Variants in ABCA12 observed in about 807,000 individuals in gnomAD.
The protein encoded by ABCA12 is glucosylceramide transporter ABCA12.
Under a neutral mutation model 293.5 loss-of-function variants are expected in ABCA12, and 156 were observed. That is an observed-to-expected ratio of 0.53 (90% CI 0.47 to 0.61). The LOEUF is 0.61. Ranked by LOEUF, ABCA12 falls within the 20% of genes least tolerant of loss-of-function variation. The pLI is 0.00. For missense variants in ABCA12, 2,797 were observed against 3,090.2 expected, an observed-to-expected ratio of 0.91 and a Z score of 2.25; for synonymous variants, 1,063 against 1,108.0, an observed-to-expected ratio of 0.96 and a Z score of 0.81.
chr2:215,120,037 G>A (rs1041082506), intron 1 of ABCA12, among the ~76,000 whole-genome samples: 10 of 152,094 alleles, frequency 6.6e-5, no homozygotes, highest in Admixed American at 2.6e-4. Flanking sequence ...TGGTGAATTG[G>A]ATAAAGAAAA....
intron 2 of ABCA12, among the ~76,000 whole-genome samples, chr2:215,104,054 A>G (rs1397411342): frequency 6.6e-6 from 1 of 152,210 alleles, no homozygotes; most frequent in Admixed American, 6.5e-5. Flanking sequence ...AGACTTGGAC[A>G]TTAGCACTCC....
At chr2:215,087,608 C>T (rs148893244) in intron 2 of ABCA12, among the ~76,000 whole-genome samples, 17 of 151,930 alleles carry the variant, frequency 1.1e-4, no homozygotes, top group African/African-American at 2.9e-4. Flanking sequence ...ATTCTTCTTA[C>T]GCTAATAGAG....
intron 1 of ABCA12, among the ~76,000 whole-genome samples, chr2:215,135,463 C>T (rs1201791193): frequency 5.3e-5 from 8 of 152,176 alleles, no homozygotes; most frequent in Non-Finnish European, 7.3e-5. Flanking sequence ...GCAAAGTTGT[C>T]ATGGTGGTGA....
chr2:215,019,763 A>G lies in ABCA12; in HGVS notation c.1321T>C (p.Cys441Arg). 4 of 1,613,702 alleles carry G rather than the reference A, an allele frequency of 2.5e-6. No individual in the cohort carries two copies. Among genetic ancestry groups the G allele is most frequent in the African/African-American group, 1.3e-5 (1 of 75,064 alleles). ...ATCAAACTGAAAGTTTCAGATTCAC[A>G]AAGAAGTTCGGTCAAGTTTCGAAGT... ...SQLRNLTELL[C>R]ESETFSLIEK... Residue 441 changes from cysteine to arginine, a missense_variant, in exon 12 of 53, where the codon TGT becomes CGT. Cys to Arg is a radical substitution (Grantham distance 180). This residue lies in a region of ABCA12 where 656 missense variants were observed against 638.2 expected (regional missense o/e 1.03). Transcript: ENST00000272895.
chr2:214,948,834 G>A lies in ABCA12; in HGVS notation c.6963-97C>T. 5 of 1,474,834 alleles carry A rather than the reference G, an allele frequency of 3.4e-6. No homozygotes were observed. The South Asian group carries it at 5.8e-5, about 17-fold the overall frequency. 91.4% of individuals were successfully genotyped at this position (1,474,834 alleles called of 1,614,324 possible). A position where few individuals can be genotyped will look rare whatever the true frequency, so the allele number is the denominator to read the frequency against. On this transcript the variant is annotated intron_variant, in intron 46 of 52. Transcript: ENST00000272895. ...AGGTAGCTCTATTTTGGTCATGGTG[G>A]TCAGTGACTTTGATAAAAAGGGATA...
At chr2:215,103,263 CTTTCTT>C (rs1291562228) in intron 2 of ABCA12, among the ~76,000 whole-genome samples, 4 of 81,378 alleles carry the variant, frequency 4.9e-5, no homozygotes, top group African/African-American at 1.5e-4. Context: ...CTTAAAATTT[CTTTCTT>C]TTTTTTTTTT....
Position 214,968,840 on chromosome 2 carries a change from T to C in ABCA12, c.5691-33A>G, listed in dbSNP as rs1699324977. 3 of 1,590,652 alleles carry C rather than the reference T, an allele frequency of 1.9e-6. No homozygotes were observed. In the Admixed American group the frequency reaches 5.0e-5, roughly 27 times the overall value. ...GAGTAATAAAAATATATCTTTGGTTTAGTGGAGAAAATCTTCTTAAATAGA... is the reference window on the plus strand; with the variant it reads ...GAGTAATAAAAATATATCTTTGGTTCAGTGGAGAAAATCTTCTTAAATAGA... On this transcript the variant is annotated intron_variant, in intron 37 of 52. Transcript: ENST00000272895.
At chr2:215,064,427 C>T (rs535166874) in intron 2 of ABCA12, among the ~76,000 whole-genome samples, 3 of 151,928 alleles carry the variant, frequency 2.0e-5, no homozygotes, top group Non-Finnish European at 4.4e-5. Context: ...TCCGGATTTG[C>T]TAATACGTAT....
chr2:214,934,099 C>T lies in ABCA12; in HGVS notation c.7659G>A (p.Val2553=), dbSNP rs754571047. 5 of 1,613,618 alleles carry T rather than the reference C, an allele frequency of 3.1e-6. No homozygotes were observed. The South Asian group carries it at 5.5e-5, about 18-fold the overall frequency. ...KTALNITNFL[V]SQTTLEEVFI... ...TTACCTCTTCCAGAGTGGTCTGACTCACTAAGAAATTTGTAATATTTAAAG... is the reference window on the plus strand; with the variant it reads ...TTACCTCTTCCAGAGTGGTCTGACTTACTAAGAAATTTGTAATATTTAAAG... Residue 2553 remains valine (V), a synonymous_variant, in exon 52 of 53, where the codon GTG becomes GTA. Coordinates refer to ENST00000272895, the MANE Select transcript of ABCA12 (RefSeq NM_173076.3).
intron 2 of ABCA12, among the ~76,000 whole-genome samples, chr2:215,105,578 G>GACACACACAC (rs747604210): frequency 7.0e-6 from 1 of 142,728 alleles, no homozygotes; most frequent in African/African-American, 2.7e-5. Flanking sequence ...AGGGCTTCAA[G>GACACACACAC]ACACACACAC....
intron 2 of ABCA12, among the ~76,000 whole-genome samples, chr2:215,074,241 A>G (rs1171976174): frequency 2.6e-5 from 4 of 152,150 alleles, no homozygotes; most frequent in Non-Finnish European, 5.9e-5. Context: ...AACGTCTTAC[A>G]TAAGAAAATA....
At chr2:214,992,943 A>G (rs1287687613) in intron 23 of ABCA12, among the ~76,000 whole-genome samples, 2 of 152,198 alleles carry the variant, frequency 1.3e-5, no homozygotes, top group African/African-American at 4.8e-5. Flanking sequence ...TTCAAAATCA[A>G]GGATAGTCAA....
rs771673629 is a variant in ABCA12 at position 214,989,638 on chromosome 2, C to T, written c.3625-17G>A. On this transcript the variant is annotated splice_polypyrimidine_tract_variant and intron_variant, in intron 24 of 52. Transcript: ENST00000272895. ...CAGCAGGCTCTGTGAAGAAAGGAAA[C>T]GGCAATGATAGTTCTTGTAGATTTC... The T allele has an allele frequency of 1.2e-5, 20 of 1,612,996 alleles. No homozygotes were observed. Among genetic ancestry groups the T allele is most frequent in the African/African-American group, 4.0e-5 (3 of 74,880 alleles).
intron 47 of ABCA12, chr2:214,947,821 G>T: frequency 2.2e-6 from 1 of 448,240 alleles, no homozygotes. Flanking sequence ...GTTTACAATT[G>T]CAGATTGAAC....
chr2:214,963,770 A>T (rs1699180099), intron 39 of ABCA12, among the ~76,000 whole-genome samples: 1 of 151,624 alleles, frequency 6.6e-6, no homozygotes, highest in Non-Finnish European at 1.5e-5. Flanking sequence ...AAATACAAAA[A>T]ATTAGCCAGG....
intron 45 of ABCA12, among the ~76,000 whole-genome samples, chr2:214,950,384 CTGTG>C (rs61619476): frequency 0.033 from 3,865 of 116,586 alleles, 158 homozygotes; most frequent in African/African-American, 0.097. Context: ...ATATATATAT[CTGTG>C]TGTGTGTGTG....
In ABCA12 at chr2:215,019,749, A is replaced by C. The variant is rs1339130907; in HGVS notation, c.1335T>G (p.Thr445=). The change falls in exon 12 of 53, where the codon ACT becomes ACG. Residue 445 remains threonine (T), a synonymous_variant. Coordinates refer to ENST00000272895, the MANE Select transcript of ABCA12 (RefSeq NM_173076.3). ...GGCATGACTTCTCTATCAAACTGAAAGTTTCAGATTCACAAAGAAGTTCGG... is the reference window on the plus strand; with the variant it reads ...GGCATGACTTCTCTATCAAACTGAACGTTTCAGATTCACAAAGAAGTTCGG... The part of the protein sequence containing the change: ...NLTELLCESE[T]FSLIEKSCQL... 1 of 1,614,026 alleles carries C rather than the reference A, an allele frequency of 6.2e-7. No homozygotes were observed. Among genetic ancestry groups the C allele is most frequent in the South Asian group, 1.1e-5 (1 of 91,090 alleles).
intron 51 of ABCA12, 64 bp downstream of exon 51, chr2:214,937,446 C>A: frequency 7.5e-7 from 1 of 1,334,458 alleles, no homozygotes; most frequent in Non-Finnish European, 1.1e-6. Context: ...TGATTGCCCG[C>A]CTCGGACTCC....
intron 39 of ABCA12, chr2:214,963,055 G>A (rs1337801821): frequency 6.6e-6 from 1 of 151,794 alleles, no homozygotes; most frequent in African/African-American, 2.4e-5. Flanking sequence ...CAGAAGATAA[G>A]AAATAACCAA....
Sources: gnomAD v4.1 joint callset for allele counts (sites outside exome capture counted in the v4.1 genomes callset) on GRCh38, gnomAD v4.1.1 for gene constraint, gnomAD v4.1.1 regional missense constraint, MANE v1.5 for transcripts, NCBI Gene and HGNC (gene_info 2026-07-23, HGNC 2026-07-21) for gene names.